AGAP5: variants seen among roughly 807,000 people sequenced by gnomAD.
The protein encoded by AGAP5 is arf-GAP with GTPase, ANK repeat and PH domain-containing protein 5.
AGAP5 carries 8 observed loss-of-function variants against 27.7 expected under a neutral mutation model. The ratio of observed to expected loss-of-function variants is 0.29; its 90% CI spans 0.17 to 0.52. The LOEUF is 0.52. Ranked by LOEUF, AGAP5 falls within the 20% of genes least tolerant of loss-of-function variation. AGAP5 has a pLI of 0.97. For synonymous variants in AGAP5, 111 were observed against 338.0 expected (o/e 0.33, Z 7.37); for missense variants, 285 against 880.8 (o/e 0.32, Z 8.56).
intron 4 of AGAP5, among the ~76,000 whole-genome samples, chr10:73,685,745 G>A (rs2082058225): frequency 6.6e-6 from 1 of 151,888 alleles, no homozygotes; most frequent in African/African-American, 2.4e-5. Flanking sequence ...TAGAGATGGG[G>A]TTTCACCATG....
At chr10:73,689,975 G>T (rs1327546135) in intron 4 of AGAP5, among the ~76,000 whole-genome samples, 6 of 151,582 alleles carry the variant, frequency 4.0e-5, no homozygotes, top group Non-Finnish European at 7.4e-5. Flanking sequence ...GCCCCGTCTG[G>T]GAGGGAGGTG....
intron 4 of AGAP5, among the ~76,000 whole-genome samples, chr10:73,686,682 TCAAA>T (rs2082066570): frequency 6.6e-6 from 1 of 152,072 alleles, no homozygotes; most frequent in South Asian, 2.1e-4. Context: ...TATGAGGAAC[TCAAA>T]CAAATTACAA....
chr10:73,696,450 TA>T (rs1236178002), intron 2 of AGAP5, among the ~76,000 whole-genome samples: 1 of 152,230 alleles, frequency 6.6e-6, no homozygotes, highest in Non-Finnish European at 1.5e-5. Context: ...TATTACATAT[TA>T]AAAGTCTACA....
At position 73,698,028 on chromosome 10, in the gene AGAP5, C is replaced by T; in HGVS notation, c.-273G>A. On this transcript the variant is annotated 5_prime_UTR_variant, in exon 1 of 8. Coordinates refer to ENST00000374094, the MANE Select transcript of AGAP5 (RefSeq NM_001144000.4). ...CTGGCTTATTTAATAGGTTGTGAAC[C>T]CAACAAGCGCTGAGAGACACAACAA... The T allele has an allele frequency of 1.4e-6, 2 of 1,414,578 alleles. No individual in the cohort carries two copies. Among genetic ancestry groups the T allele is most frequent in the Non-Finnish European group, 1.8e-6 (2 of 1,085,452 alleles). 87.6% of individuals were successfully genotyped at this position (1,414,578 alleles called of 1,614,324 possible).
chr10:73,696,238 G>A (rs927562598), intron 2 of AGAP5, among the ~76,000 whole-genome samples: 2 of 151,874 alleles, frequency 1.3e-5, no homozygotes, highest in African/African-American at 4.8e-5. Flanking sequence ...GGCTGGTCTC[G>A]AACTCCTGAC....
At chr10:73,694,081 T>C (rs969835290) in intron 3 of AGAP5, among the ~76,000 whole-genome samples, 2 of 152,376 alleles carry the variant, frequency 1.3e-5, no homozygotes, top group African/African-American at 4.8e-5. Context: ...GTATTCTTGC[T>C]GTTTAAGTCA....
rs2081958580 is a variant in AGAP5, at chr10:73,674,446, A to G, written c.*153T>C. 7 of 1,522,572 alleles carry G rather than the reference A, an allele frequency of 4.6e-6. No homozygotes were observed. The highest frequency in any genetic ancestry group is 5.3e-6 in the Non-Finnish European group (6 of 1,130,052). 94.3% of individuals were successfully genotyped at this position (1,522,572 alleles called of 1,614,324 possible). On this transcript the variant is annotated 3_prime_UTR_variant, in exon 8 of 8. Coordinates refer to ENST00000374094, the MANE Select transcript of AGAP5 (RefSeq NM_001144000.4). The stretch of plus-strand genomic sequence containing the variant: ...CATAAAATATGTCTTATGGTCAGAA[A>G]AATCAACATTTTGTGTATTTACTTA...
chr10:73,681,339 T>C (rs2082022952), intron 5 of AGAP5: 2 of 985,396 alleles, frequency 2.0e-6, no homozygotes, highest in Non-Finnish European at 2.4e-6. Flanking sequence ...GGCTTCTCAG[T>C]GCCTACAGAT....
intron 4 of AGAP5, among the ~76,000 whole-genome samples, chr10:73,690,605 T>TAAAAA (rs1565008251): frequency 1.2e-5 from 1 of 80,556 alleles, no homozygotes; most frequent in African/African-American, 4.4e-5. Context: ...GAATGATCAA[T>TAAAAA]TAAAAAAAAA....
At chr10:73,690,248 T>G (rs1678163733) in intron 4 of AGAP5, among the ~76,000 whole-genome samples, 2 of 152,206 alleles carry the variant, frequency 1.3e-5, no homozygotes, top group African/African-American at 4.8e-5. Context: ...AGACTTTTCA[T>G]TTTGTTCTGT....
chr10:73,676,348 C>CA (rs1227920929), intron 7 of AGAP5, among the ~76,000 whole-genome samples: 1 of 133,144 alleles, frequency 7.5e-6, no homozygotes, highest in African/African-American at 2.7e-5. Context: ...GGCATGGTGT[C>CA]ACATGCCTGT....
intron 3 of AGAP5, among the ~76,000 whole-genome samples, chr10:73,693,167 T>C (rs550834698): frequency 6.6e-6 from 1 of 152,284 alleles, no homozygotes; most frequent in South Asian, 2.1e-4. Flanking sequence ...TAGCTTTTCT[T>C]TTACTGCTTC....
In AGAP5 at chr10:73,697,829, C is replaced by T. The variant is rs796649173; in HGVS notation, c.-74G>A. The stretch of plus-strand genomic sequence containing the variant: ...GGCCACACACTCCCACTGTCCTAGG[C>T]CGAGGCTATGCTGCACTTGCAGAGA... On this transcript the variant is annotated 5_prime_UTR_variant, in exon 1 of 8. Transcript: ENST00000374094. 1 of 1,583,096 alleles carries T rather than the reference C, an allele frequency of 6.3e-7. No individual in the cohort carries two copies. Among genetic ancestry groups the T allele is most frequent in the Non-Finnish European group, 8.5e-7 (1 of 1,171,652 alleles).
intron 3 of AGAP5, among the ~76,000 whole-genome samples, chr10:73,692,407 A>G (rs975217036): frequency 6.6e-6 from 1 of 152,122 alleles, no homozygotes; most frequent in Non-Finnish European, 1.5e-5. Context: ...GCCATGATCC[A>G]TTAGTATTCT....
chr10:73,696,145 T>G (rs1444118278), intron 2 of AGAP5, among the ~76,000 whole-genome samples: 1 of 152,078 alleles, frequency 6.6e-6, no homozygotes, highest in Non-Finnish European at 1.5e-5. Context: ...TGTGAGTAGG[T>G]GGAACTACAG....
chr10:73,689,868 G>GC (rs1334214929), intron 4 of AGAP5, among the ~76,000 whole-genome samples: 3 of 150,114 alleles, frequency 2.0e-5, no homozygotes, highest in African/African-American at 7.4e-5. Flanking sequence ...GGGGGGGTCA[G>GC]CCCCCCGCCC....
chr10:73,684,422 GC>G (rs2132448016), intron 4 of AGAP5, among the ~76,000 whole-genome samples: 1 of 127,944 alleles, frequency 7.8e-6, no homozygotes, highest in South Asian at 2.7e-4. Context: ...GTAAGGGAGG[GC>G]CCTTACTCTT....
At position 73,675,330 on chromosome 10, in the gene AGAP5, C is replaced by T. The variant is rs1313028336; in HGVS notation, c.1330G>A (p.Ala444Thr). The change falls in exon 8 of 8, where the codon GCC (alanine) becomes ACC (threonine). Residue 444 changes from alanine (A) to threonine (T), a missense_variant. Coordinates refer to ENST00000374094, the MANE Select transcript of AGAP5 (RefSeq NM_001144000.4). ...CTGCTCTCGCATGACTGCAGGCTGG[C>T]CAGGATCTGGCTCTGGATGGCTTGG... ...WVQAIQSQILASLQSCESSKS... is the reference protein window; with the variant it reads ...WVQAIQSQILTSLQSCESSKS... The T allele has an allele frequency of 9.3e-6, 15 of 1,613,480 alleles. No individual in the cohort carries two copies. The Middle Eastern group carries it at 6.9e-4, about 74-fold the overall frequency.
In AGAP5 at chr10:73,675,239, C is replaced by T. The variant is rs748964554; in HGVS notation, c.1421G>A (p.Arg474His). The T allele has an allele frequency of 3.1e-5, 49 of 1,604,830 alleles. 2 individuals carry two copies. The East Asian group carries it at 7.6e-4, about 25-fold the overall frequency. Residue 474 changes from arginine (R) to histidine (H), a missense_variant, in exon 8 of 8, where the codon CGT (arginine) becomes CAT (histidine). Arg to His is a conservative substitution (Grantham distance 29). Coordinates refer to ENST00000374094, the MANE Select transcript of AGAP5 (RefSeq NM_001144000.4). Reference protein sequence around the residue: ...AMALQSIQNMRGNAHCVDYET... With the variant: ...AMALQSIQNMHGNAHCVDYET... ...ATAGTCCACACAGTGGGCGTTCCCA[C>T]GCATGTTTTGGATCGACTGCAGGGC... is the stretch of plus-strand genomic sequence containing the variant.
Sources: allele counts gnomAD v4.1 joint callset (sites outside exome capture counted in the v4.1 genomes callset), GRCh38; gene constraint gnomAD v4.1.1; transcripts MANE v1.5; gene names NCBI Gene and HGNC (gene_info 2026-07-23, HGNC 2026-07-21).